The following TEAD1 variants were observed in gnomAD, a reference collection of about 807,000 sequenced individuals.
The protein encoded by TEAD1 is transcriptional enhancer factor TEF-1.
A neutral mutation model predicts 54.9 loss-of-function variants in TEAD1; 9 were observed. That is an observed-to-expected ratio of 0.16 (90% CI 0.10 to 0.29). The LOEUF (loss-of-function observed/expected upper bound fraction) is 0.29, where lower values mean the gene tolerates loss of function less well. TEAD1 is among the 10% of genes least tolerant of loss of function. The probability of loss-of-function intolerance (pLI) is 1.00; values close to 1 mark genes in which losing one functional copy is unlikely to be tolerated. For synonymous variants in TEAD1, 200 were observed against 187.8 expected (o/e 1.07, Z -0.53); for missense variants, 387 against 535.9 (o/e 0.72, Z 2.74).
chr11:12,943,489 T>C lies in TEAD1; in HGVS notation c.*6267T>C, dbSNP rs980702276. 6.6e-6 allele frequency: 1 copy of C among 152,636 alleles called. No individual in the cohort carries two copies. Among genetic ancestry groups the C allele is most frequent in the African/African-American group, 2.4e-5 (1 of 41,470 alleles). 9.5% of individuals were successfully genotyped at this position (152,636 alleles called of 1,614,324 possible). On this transcript the variant is annotated 3_prime_UTR_variant, in exon 13 of 13. Transcript: ENST00000527636. ...AAATAAGATGAAATATTTGTATTTA[T>C]TGTCCTACTTCCTAAGCCGTAACTT...
chr11:12,925,482 T>C lies in TEAD1; in HGVS notation c.1014+430T>C, dbSNP rs368412160. 2.6e-5 allele frequency among the ~76,000 whole-genome samples: 4 copies of C among 152,206 alleles called. No homozygotes were observed. The South Asian group carries it at 8.3e-4, about 32-fold the overall frequency. Reference sequence around the variant, plus strand: ...CTCCTCTGACATGTGGGGATTACGATTCGAGTTGAGATTTGGGTGGGGATA... The same window carrying C: ...CTCCTCTGACATGTGGGGATTACGACTCGAGTTGAGATTTGGGTGGGGATA... On this transcript the variant is annotated intron_variant, in intron 11 of 12. Transcript: ENST00000527636.
chr11:12,814,017 C>A (rs1481037478), intron 3 of TEAD1, among the ~76,000 whole-genome samples: 1 of 152,196 alleles, frequency 6.6e-6, no homozygotes, highest in Non-Finnish European at 1.5e-5. Context: ...ATTGGCACAG[C>A]ATCAAGGTTC....
chr11:12,737,491 A>T (rs1944561538), intron 2 of TEAD1, among the ~76,000 whole-genome samples: 1 of 152,188 alleles, frequency 6.6e-6, no homozygotes, highest in South Asian at 2.1e-4. Flanking sequence ...CTCTACTTAC[A>T]ACTGTCCCTT....
chr11:12,941,198 C>T lies in TEAD1; in HGVS notation c.*3976C>T, dbSNP rs943680937. 9 of 152,332 alleles carry T rather than the reference C, an allele frequency of 5.9e-5. No individual in the cohort carries two copies. In the East Asian group the frequency reaches 7.7e-4, roughly 13 times the overall value. The allele number at this position is 152,332 out of a possible 1,614,324, so 9.4% of individuals were successfully genotyped here. A position where few individuals can be genotyped will look rare whatever the true frequency, so the allele number is the denominator to read the frequency against. Reference sequence around the variant, plus strand: ...CCCCTGTGCCAGAGCACAGCCTCACCGGATGCTGCTTCCCACACTGAAGTG... The same window carrying T: ...CCCCTGTGCCAGAGCACAGCCTCACTGGATGCTGCTTCCCACACTGAAGTG... On this transcript the variant is annotated 3_prime_UTR_variant, in exon 13 of 13. Transcript: ENST00000527636.
intron 2 of TEAD1, among the ~76,000 whole-genome samples, chr11:12,701,314 C>G (rs1452006496): frequency 6.6e-6 from 1 of 152,018 alleles, no homozygotes; most frequent in Non-Finnish European, 1.5e-5. Context: ...GGAAAAGGCA[C>G]TATTCTGGAG....
intron 3 of TEAD1, among the ~76,000 whole-genome samples, chr11:12,802,755 G>A (rs1946087177): frequency 6.6e-6 from 1 of 152,190 alleles, no homozygotes; most frequent in Non-Finnish European, 1.5e-5. Flanking sequence ...GATTGCGCAA[G>A]GCTGGAAGCA....
At chr11:12,756,923 C>T (rs1371489062) in intron 2 of TEAD1, among the ~76,000 whole-genome samples, 1 of 152,218 alleles carries the variant, frequency 6.6e-6, no homozygotes. Context: ...GGTACCAGTT[C>T]ACTTTGGAAG....
At chr11:12,688,042 T>G (rs1001169309) in intron 2 of TEAD1, among the ~76,000 whole-genome samples, 2 of 152,208 alleles carry the variant, frequency 1.3e-5, no homozygotes, top group Admixed American at 1.3e-4. Context: ...GCCCCCTCCA[T>G]CACCCTGTAG....
chr11:12,849,090 C>G (rs1947215557), intron 3 of TEAD1: 1 of 152,322 alleles, frequency 6.6e-6, no homozygotes, highest in Non-Finnish European at 1.5e-5. Flanking sequence ...CTCTGTTGCC[C>G]AGGCTGGAGT....
At chr11:12,881,114 C>G in intron 7 of TEAD1, 63 bp downstream of exon 7, 1 of 1,569,840 alleles carries the variant, frequency 6.4e-7, no homozygotes, top group Non-Finnish European at 8.8e-7. Context: ...GTGGGGAGAG[C>G]TCTTCCTGGA....
chr11:12,869,836 T>A lies in TEAD1; in HGVS notation c.330+4936T>A, dbSNP rs191107389. On this transcript the variant is annotated intron_variant, in intron 5 of 12. Transcript: ENST00000527636. ...TTAGAAAATCAAATCCAGTGAAAGC[T>A]CTCTCTTCTCATTTTGCTCCTAGAT... 2.3e-4 allele frequency among the ~76,000 whole-genome samples: 35 copies of A among 152,304 alleles called. No homozygotes were observed. In the East Asian group the frequency reaches 5.4e-3, roughly 24 times the overall value.
At chr11:12,889,467 C>T (rs1011795461) in intron 9 of TEAD1, among the ~76,000 whole-genome samples, 9 of 152,206 alleles carry the variant, frequency 5.9e-5, no homozygotes, top group South Asian at 2.1e-4. Flanking sequence ...CTGTGTGTCT[C>T]ATGCCTGTTG....
At position 12,717,370 on chromosome 11, in the gene TEAD1, G is replaced by A. The variant is rs143355730; in HGVS notation, c.-55+41809G>A. On this transcript the variant is annotated intron_variant, in intron 2 of 12. Transcript: ENST00000527636. ...AGGAGGCAGGGCCCTTCATTCCTGA[G>A]TGTCTTGACTGATGGAAGCTTTGTG... is the stretch of plus-strand genomic sequence containing the variant. Among the ~76,000 whole-genome samples, 15 of 152,282 alleles carry A rather than the reference G, an allele frequency of 9.9e-5. No homozygotes were observed. The East Asian group carries it at 2.5e-3, about 25-fold the overall frequency.
At position 12,941,755 on chromosome 11, in the gene TEAD1, T is replaced by C. The variant is rs999671028; in HGVS notation, c.*4533T>C. ...TCTTTAAGATGTTGCATGTAGGGTA[T>C]GCAGTGCAAAAGGCTGCCTCAGAAC... On this transcript the variant is annotated 3_prime_UTR_variant, in exon 13 of 13. Coordinates refer to ENST00000527636, the MANE Select transcript of TEAD1 (RefSeq NM_021961.6). The C allele has an allele frequency of 2.6e-5, 4 of 152,652 alleles. No homozygotes were observed. The highest frequency in any genetic ancestry group is 9.6e-5 in the African/African-American group (4 of 41,456). 9.5% of individuals were successfully genotyped at this position (152,652 alleles called of 1,614,324 possible). A position where few individuals can be genotyped will look rare whatever the true frequency, so the allele number is the denominator to read the frequency against.
At chr11:12,812,258 T>C (rs1946318753) in intron 3 of TEAD1, among the ~76,000 whole-genome samples, 1 of 152,148 alleles carries the variant, frequency 6.6e-6, no homozygotes, top group African/African-American at 2.4e-5. Flanking sequence ...CAGTGATGGC[T>C]TCCTGGTGTG....
At chr11:12,778,076 A>G (rs1945467718) in intron 3 of TEAD1, among the ~76,000 whole-genome samples, 2 of 152,250 alleles carry the variant, frequency 1.3e-5, no homozygotes, top group South Asian at 4.1e-4. Context: ...GCATTAACCC[A>G]TTTAAACCTT....
intron 10 of TEAD1, among the ~76,000 whole-genome samples, chr11:12,917,862 G>T (rs1948743811): frequency 6.6e-6 from 1 of 152,190 alleles, no homozygotes; most frequent in Non-Finnish European, 1.5e-5. Flanking sequence ...TAACACTGCA[G>T]AACCTGGCCT....
chr11:12,911,508 A>C (rs963005293), intron 10 of TEAD1, among the ~76,000 whole-genome samples: 5 of 152,104 alleles, frequency 3.3e-5, no homozygotes, highest in African/African-American at 1.2e-4. Flanking sequence ...TAAGTTTTCC[A>C]TTTCTCCCTA....
chr11:12,801,922 G>A (rs1946067713), intron 3 of TEAD1, among the ~76,000 whole-genome samples: 1 of 152,154 alleles, frequency 6.6e-6, no homozygotes. Flanking sequence ...ACAATAGCTT[G>A]GTTGAGTTTG....
Sources: allele counts gnomAD v4.1 joint callset (sites outside exome capture counted in the v4.1 genomes callset), GRCh38; gene constraint gnomAD v4.1.1; transcripts MANE v1.5; gene names NCBI Gene and HGNC (gene_info 2026-07-23, HGNC 2026-07-21).